ATP5PB: variants seen among roughly 807,000 people sequenced by gnomAD.
ATP5PB encodes the protein ATP synthase peripheral stalk subunit b, mitochondrial.
A neutral mutation model predicts 34.5 loss-of-function variants in ATP5PB; 21 were observed. That is an observed-to-expected ratio of 0.61 (90% CI 0.43 to 0.88). The LOEUF is 0.88. ATP5PB is among the 40% of genes least tolerant of loss of function. The pLI is 0.00. For missense variants in ATP5PB, 293 were observed against 317.4 expected (o/e 0.92, Z 0.58); for synonymous variants, 108 against 114.1 (o/e 0.95, Z 0.34).
chr1:111,458,752 A>G (rs1161936739), intron 5 of ATP5PB, among the ~76,000 whole-genome samples: 1 of 152,160 alleles, frequency 6.6e-6, no homozygotes, highest in African/African-American at 2.4e-5. Context: ...GGGTTAGCCA[A>G]GTAGAGATAT....
chr1:111,460,424 G>T (rs998993497), intron 6 of ATP5PB, among the ~76,000 whole-genome samples: 2 of 146,662 alleles, frequency 1.4e-5, no homozygotes, highest in Non-Finnish European at 1.5e-5. Flanking sequence ...TAGAAAAACA[G>T]TGTCTATCAA....
rs1369424007 is a variant in ATP5PB at position 111,462,518 on chromosome 1, T to A, written c.*1524T>A. The A allele has an allele frequency of 2.0e-5, 3 of 152,234 alleles. No individual in the cohort carries two copies. The highest frequency in any genetic ancestry group is 4.4e-5 in the Non-Finnish European group (3 of 68,042). The allele number at this position is 152,234 out of a possible 1,614,324, so 9.4% of individuals were successfully genotyped here. Reference sequence around the variant, plus strand: ...CTTCATAGGTTTATCTGCATTTGATTCTCCCATACTTGTACAAGGATTTAT... The same window carrying A: ...CTTCATAGGTTTATCTGCATTTGATACTCCCATACTTGTACAAGGATTTAT... On this transcript the variant is annotated 3_prime_UTR_variant, in exon 7 of 7. Coordinates refer to ENST00000369722, the MANE Select transcript of ATP5PB (RefSeq NM_001688.5).
intron 2 of ATP5PB, among the ~76,000 whole-genome samples, chr1:111,453,140 T>C (rs1189240212): frequency 6.6e-6 from 1 of 152,120 alleles, no homozygotes; most frequent in Non-Finnish European, 1.5e-5. Context: ...CACTGAAAAC[T>C]TGAAGGAGAC....
In ATP5PB at chr1:111,460,820, G is replaced by A. The variant is rs368709658; in HGVS notation, c.694-97G>A. On this transcript the variant is annotated intron_variant, in intron 6 of 6. Coordinates refer to ENST00000369722, the MANE Select transcript of ATP5PB (RefSeq NM_001688.5). Reference sequence around the variant, plus strand: ...AGCCAGTAATCATCTTGAGGTTCTGGTCTGGTAGGAGGTGTCTTTTAGAAT... The same window carrying A: ...AGCCAGTAATCATCTTGAGGTTCTGATCTGGTAGGAGGTGTCTTTTAGAAT... The A allele has an allele frequency of 4.3e-5, 42 of 982,022 alleles. No homozygotes were observed. The East Asian group carries it at 1.1e-3, about 25-fold the overall frequency. 60.8% of individuals were successfully genotyped at this position (982,022 alleles called of 1,614,324 possible).
chr1:111,452,614 T>C (rs1478326288), intron 2 of ATP5PB, among the ~76,000 whole-genome samples: 2 of 152,212 alleles, frequency 1.3e-5, no homozygotes, highest in African/African-American at 4.8e-5. Flanking sequence ...TTTTGTATTG[T>C]TAAACTAAGC....
intron 3 of ATP5PB, among the ~76,000 whole-genome samples, chr1:111,455,234 C>T (rs1653439652): frequency 1.3e-5 from 2 of 151,966 alleles, no homozygotes; most frequent in Non-Finnish European, 2.9e-5. Flanking sequence ...CCTCAGACGT[C>T]CATAGGTGAT....
At chr1:111,453,903 C>G (rs1279230110) in intron 2 of ATP5PB, among the ~76,000 whole-genome samples, 1 of 152,196 alleles carries the variant, frequency 6.6e-6, no homozygotes, top group South Asian at 2.1e-4. Flanking sequence ...ATCTGACCGC[C>G]ACGTCCACAT....
rs778462420 is a variant in ATP5PB, at chr1:111,456,102, A to G, written c.240A>G (p.Gly80=). ...KTGVTGPYVL[G]TGLILYALSK... Reference sequence around the variant, plus strand: ...TTCTTTTAGGACCCTATGTACTCGGAACTGGGCTTATCTTGTACGCTTTAT... The same window carrying G: ...TTCTTTTAGGACCCTATGTACTCGGGACTGGGCTTATCTTGTACGCTTTAT... The change falls in exon 4 of 7, where the codon GGA becomes GGG. Residue 80 remains glycine, a synonymous_variant. Coordinates refer to ENST00000369722, the MANE Select transcript of ATP5PB (RefSeq NM_001688.5). 6.3e-7 allele frequency: 1 copy of G among 1,597,808 alleles called. No homozygotes were observed. The highest frequency in any genetic ancestry group is 1.3e-5 in the African/African-American group (1 of 74,224).
intron 6 of ATP5PB, among the ~76,000 whole-genome samples, chr1:111,460,075 G>A (rs1444636945): frequency 6.6e-6 from 1 of 152,098 alleles, no homozygotes; most frequent in Non-Finnish European, 1.5e-5. Context: ...GAGGTGACAG[G>A]ATCTCTTGAG....
intron 3 of ATP5PB, 143 bp downstream of exon 3, chr1:111,454,499 C>G: frequency 9.3e-7 from 1 of 1,079,228 alleles, no homozygotes; most frequent in Non-Finnish European, 1.3e-6. Flanking sequence ...CTCTATCACC[C>G]AGGATGGAGT....
At chr1:111,454,462 G>A in intron 3 of ATP5PB, 106 bp downstream of exon 3, 1 of 1,421,306 alleles carries the variant, frequency 7.0e-7, no homozygotes, top group Non-Finnish European at 9.4e-7. Context: ...TGTTGTTGTT[G>A]TTGTTGTTTT....
At position 111,460,922 on chromosome 1, in the gene ATP5PB, G is replaced by A. The variant is rs376802418; in HGVS notation, c.699G>A (p.Lys233=). The change falls in exon 7 of 7, where the codon AAG becomes AAA. Residue 233 remains lysine (K), a synonymous_variant. Transcript: ENST00000369722. ...VVQSISTQQE[K]ETIAKCIADL... ...TTTCTCTTTCCTTATCACAGGAAAA[G>A]GAGACAATTGCCAAGTGCATTGCGG... 1.1e-5 allele frequency: 18 copies of A among 1,613,606 alleles called. No homozygotes were observed. Among genetic ancestry groups the A allele is most frequent in the Admixed American group, 1.7e-5 (1 of 60,002 alleles).
chr1:111,457,026 TGA>T (rs200340081), intron 5 of ATP5PB, among the ~76,000 whole-genome samples: 13,328 of 152,244 alleles, frequency 0.088, 749 homozygotes, highest in South Asian at 0.15. Flanking sequence ...AAGTTAAAGC[TGA>T]TTTAAAAATG....
chr1:111,451,519 T>C (rs1269993170), intron 2 of ATP5PB, among the ~76,000 whole-genome samples: 2 of 152,198 alleles, frequency 1.3e-5, no homozygotes, highest in Non-Finnish European at 2.9e-5. Flanking sequence ...TGGAGCTTTG[T>C]TCATTGCCAT....
chr1:111,450,875 T>C (rs1160611616), intron 2 of ATP5PB, among the ~76,000 whole-genome samples: 1 of 152,198 alleles, frequency 6.6e-6, no homozygotes, highest in African/African-American at 2.4e-5. Flanking sequence ...TACCAGGTAG[T>C]AAATAACTTA....
intron 6 of ATP5PB, 22 bp downstream of exon 6, chr1:111,459,658 T>G: frequency 6.2e-7 from 1 of 1,609,804 alleles, no homozygotes; most frequent in Non-Finnish European, 8.5e-7. Context: ...TTTTGTAGGT[T>G]CTGATGTTGT....
At chr1:111,459,231 T>G (rs1285909343) in intron 5 of ATP5PB, among the ~76,000 whole-genome samples, 2 of 152,150 alleles carry the variant, frequency 1.3e-5, no homozygotes, top group African/African-American at 4.8e-5. Flanking sequence ...TACAGGAAGT[T>G]AATGGCCTAT....
intron 6 of ATP5PB, among the ~76,000 whole-genome samples, chr1:111,460,452 TG>T (rs1174392875): frequency 3.5e-4 from 53 of 149,908 alleles, no homozygotes; most frequent in African/African-American, 2.7e-4. Context: ...TTTTTTTTTT[TG>T]ATAAACTTTT....
Position 111,461,889 on chromosome 1 carries a change from C to T in ATP5PB, c.*895C>T, listed in dbSNP as rs28645563. ...GCACTCCAGCCTGGGCAACAGACCT[C>T]GACTCCATCTAGAAAAAAAAAAAAA... On this transcript the variant is annotated 3_prime_UTR_variant, in exon 7 of 7. Transcript: ENST00000369722. The T allele has an allele frequency of 6.9e-6, 1 of 144,610 alleles. No homozygotes were observed. Among genetic ancestry groups the T allele is most frequent in the African/African-American group, 2.6e-5 (1 of 38,978 alleles). The allele number at this position is 144,610 out of a possible 1,614,324, so 9.0% of individuals were successfully genotyped here. A position where few individuals can be genotyped will look rare whatever the true frequency, so the allele number is the denominator to read the frequency against.
Sources: gnomAD v4.1 joint callset for allele counts (sites outside exome capture counted in the v4.1 genomes callset) on GRCh38, gnomAD v4.1.1 for gene constraint, MANE v1.5 for transcripts, NCBI Gene and HGNC (gene_info 2026-07-23, HGNC 2026-07-21) for gene names.